ZBTB46: variants seen among roughly 807,000 people sequenced by gnomAD.
ZBTB46 encodes zinc finger and BTB domain-containing protein 46.
In ZBTB46, 8 loss-of-function variants were observed where a neutral mutation model predicts 44.1. That is an observed-to-expected ratio of 0.18 (90% CI 0.11 to 0.33). ZBTB46 has a LOEUF of 0.33. Among genes scored for constraint, ZBTB46 ranks in the 10% least tolerant of loss-of-function variants. ZBTB46 has a pLI of 1.00. For synonymous variants in ZBTB46, 409 were observed against 382.3 expected, an observed-to-expected ratio of 1.07 and a Z score of -0.81; for missense variants, 651 against 847.7, an observed-to-expected ratio of 0.77 and a Z score of 2.88.
At chr20:63,772,016 TTC>T (rs1491163351) in intron 3 of ZBTB46, among the ~76,000 whole-genome samples, 20 of 151,528 alleles carry the variant, frequency 1.3e-4, no homozygotes, top group Non-Finnish European at 2.5e-4. Context: ...TTTTTTTTTT[TTC>T]TGACGAGTTT....
chr20:63,830,628 G>A (rs1381970918), intron 1 of ZBTB46, among the ~76,000 whole-genome samples: 2 of 150,002 alleles, frequency 1.3e-5, no homozygotes, highest in African/African-American at 2.4e-5. Flanking sequence ...GCCGGCGGGG[G>A]GCGCGGGCGG....
At chr20:63,773,044 A>G (rs1219244812) in intron 3 of ZBTB46, among the ~76,000 whole-genome samples, 9 of 152,164 alleles carry the variant, frequency 5.9e-5, no homozygotes, top group African/African-American at 2.2e-4. Context: ...ACCTGGCACC[A>G]CAGGGCCCAC....
At chr20:63,768,838 C>T (rs2092342985) in intron 3 of ZBTB46, among the ~76,000 whole-genome samples, 1 of 151,932 alleles carries the variant, frequency 6.6e-6, no homozygotes. Context: ...CGGGGGTTGG[C>T]CAGAAATGTG....
At chr20:63,775,594 C>T in intron 3 of ZBTB46, 84 bp downstream of exon 3, 10 of 1,484,242 alleles carry the variant, frequency 6.7e-6, no homozygotes, top group African/African-American at 5.6e-5. Flanking sequence ...GACCCTCAGC[C>T]TCATCTCATC....
At position 63,767,255 on chromosome 20, in the gene ZBTB46, G is replaced by A. The variant is rs2092328061; in HGVS notation, c.1222+8423C>T. 1.3e-5 allele frequency among the ~76,000 whole-genome samples: 2 copies of A among 152,082 alleles called. No homozygotes were observed. The highest frequency in any genetic ancestry group is 2.9e-5 in the Non-Finnish European group (2 of 68,002). On this transcript the variant is annotated intron_variant, in intron 3 of 4. Coordinates refer to ENST00000245663, the MANE Select transcript of ZBTB46 (RefSeq NM_001369741.1). This position sits in a 1 kb window ranked among gnomAD's most constrained non-coding sequence, Gnocchi z 5.0. ...ACGTGGCTCCACTTCCCACGGATGG[G>A]GACATGTTTTCCCGCCCCTGAAAGC...
At chr20:63,759,998 G>C (rs974646499) in intron 3 of ZBTB46, among the ~76,000 whole-genome samples, 1 of 152,160 alleles carries the variant, frequency 6.6e-6, no homozygotes, top group Admixed American at 6.6e-5. Flanking sequence ...TGCGGACCAT[G>C]CAACACGGTT....
chr20:63,796,643 T>C (rs1373711065), intron 1 of ZBTB46, among the ~76,000 whole-genome samples: 5 of 152,092 alleles, frequency 3.3e-5, no homozygotes, highest in Non-Finnish European at 5.9e-5. Flanking sequence ...CTGGCCAATA[T>C]GGTGAAACCC....
At chr20:63,801,917 G>A (rs1197455779) in intron 1 of ZBTB46, among the ~76,000 whole-genome samples, 1 of 152,138 alleles carries the variant, frequency 6.6e-6, no homozygotes, top group East Asian at 1.9e-4. Flanking sequence ...GCTGTTTGCT[G>A]CACGTAAATT....
intron 3 of ZBTB46, among the ~76,000 whole-genome samples, chr20:63,769,834 G>A (rs1024833730): frequency 9.9e-5 from 15 of 152,174 alleles, no homozygotes; most frequent in Non-Finnish European, 2.1e-4. Context: ...AAATACCACA[G>A]GGAAACAGTC....
chr20:63,769,706 C>T (rs1391054527), intron 3 of ZBTB46, among the ~76,000 whole-genome samples: 1 of 152,196 alleles, frequency 6.6e-6, no homozygotes, highest in African/African-American at 2.4e-5. Context: ...CGCCAAGGCA[C>T]GCTGGCCTGG....
intron 4 of ZBTB46, among the ~76,000 whole-genome samples, chr20:63,749,488 C>T (rs2092138077): frequency 6.6e-6 from 1 of 152,224 alleles, no homozygotes; most frequent in Non-Finnish European, 1.5e-5. Context: ...AGGCACCCGC[C>T]ACCACGCCCA....
chr20:63,800,309 G>A (rs1467108139), intron 1 of ZBTB46, among the ~76,000 whole-genome samples: 1 of 152,236 alleles, frequency 6.6e-6, no homozygotes, highest in African/African-American at 2.4e-5. Flanking sequence ...GTCCACAGTG[G>A]CAGACAACCG....
chr20:63,794,189 CAAA>C (rs574998605), intron 1 of ZBTB46, among the ~76,000 whole-genome samples: 1 of 108,638 alleles, frequency 9.2e-6, no homozygotes, highest in Admixed American at 9.9e-5. Flanking sequence ...GACTCCGTCT[CAAA>C]AAAAAAAAAA....
At position 63,787,212 on chromosome 20, in the gene ZBTB46, G is replaced by A. The variant is rs1428428674; in HGVS notation, c.937+2609C>T. Reference sequence around the variant, plus strand: ...GACCACAGATAACCACTGTGGTCCCGTAGATTAGAACGCAGCCGGGAAATT... The same window carrying A: ...GACCACAGATAACCACTGTGGTCCCATAGATTAGAACGCAGCCGGGAAATT... On this transcript the variant is annotated intron_variant, in intron 2 of 4. Coordinates refer to ENST00000245663, the MANE Select transcript of ZBTB46 (RefSeq NM_001369741.1). This position sits in a 1 kb window ranked among gnomAD's most constrained non-coding sequence, Gnocchi z 4.6. Among the ~76,000 whole-genome samples the A allele has an allele frequency of 6.6e-6, 1 of 152,160 alleles. No individual in the cohort carries two copies. The highest frequency in any genetic ancestry group is 1.5e-5 in the Non-Finnish European group (1 of 68,024).
chr20:63,747,048 T>C lies in ZBTB46; in HGVS notation c.1652A>G (p.Asp551Gly), dbSNP rs1241054992. Residue 551 changes from aspartate to glycine, a missense_variant, in exon 5 of 5, where the codon GAC becomes GGC. Physicochemically the swap from Asp to Gly is moderately conservative, Grantham distance 94. Transcript: ENST00000245663. ...ATCCTCAGGGGCCAGGCCCTCGTCG[T>C]CCTCGCCCAGCTCCTCCGCCTCCCC... ...PRGEAEELGE[D>G]DEGLAPEDAL... 2 of 1,608,374 alleles carry C rather than the reference T, an allele frequency of 1.2e-6. No individual in the cohort carries two copies. Among genetic ancestry groups the C allele is most frequent in the Non-Finnish European group, 1.7e-6 (2 of 1,179,482 alleles).
At chr20:63,801,462 G>A (rs968279642) in intron 1 of ZBTB46, among the ~76,000 whole-genome samples, 1 of 152,226 alleles carries the variant, frequency 6.6e-6, no homozygotes, top group African/African-American at 2.4e-5. Context: ...CAAGATGTGG[G>A]TGGGGCCAGG....
intron 3 of ZBTB46, among the ~76,000 whole-genome samples, chr20:63,759,012 G>C (rs757075821): frequency 6.6e-6 from 1 of 152,116 alleles, no homozygotes; most frequent in Non-Finnish European, 1.5e-5. Context: ...GATGACAGGC[G>C]TGAGCCATGG....
At chr20:63,754,312 G>A (rs1415564037) in intron 3 of ZBTB46, among the ~76,000 whole-genome samples, 7 of 152,046 alleles carry the variant, frequency 4.6e-5, no homozygotes, top group African/African-American at 7.2e-5. Context: ...TCTCCTTACC[G>A]CCACCGTCCC....
chr20:63,831,315 C>CG (rs1343647363), upstream of ZBTB46: 20 of 137,950 alleles, frequency 1.4e-4, no homozygotes, highest in African/African-American at 4.7e-4. Context: ...CGCGCGCGCG[C>CG]CCCGCCCGCG....
Sources: allele counts gnomAD v4.1 joint callset (sites outside exome capture counted in the v4.1 genomes callset), GRCh38; gene constraint gnomAD v4.1.1; non-coding constraint Gnocchi (gnomAD v3.1); transcripts MANE v1.5; gene names NCBI Gene and HGNC (gene_info 2026-07-23, HGNC 2026-07-21).